The following DOCK4 variants were observed in gnomAD, a reference collection of about 807,000 sequenced individuals.
DOCK4 encodes the protein dedicator of cytokinesis protein 4.
In DOCK4, 97 loss-of-function variants were observed where a neutral mutation model predicts 268.1. That is an observed-to-expected ratio of 0.36 (90% CI 0.31 to 0.43). DOCK4 has a LOEUF of 0.43. Among genes scored for constraint, DOCK4 ranks in the 20% least tolerant of loss-of-function variants. The pLI, the probability that DOCK4 is intolerant of heterozygous loss-of-function variation, is 1.00. For missense variants in DOCK4, 2,145 were observed against 2,455.7 expected (o/e 0.87, Z 2.67); for synonymous variants, 954 against 887.2 (o/e 1.08, Z -1.34).
intron 3 of DOCK4, 60 bp from the exon 4 acceptor site, chr7:111,998,563 G>A (rs1466908400): frequency 1.4e-6 from 2 of 1,380,618 alleles, no homozygotes; most frequent in South Asian, 1.3e-5. Flanking sequence ...GGTTTCACAA[G>A]TCATTTGTAT....
intron 1 of DOCK4, among the ~76,000 whole-genome samples, chr7:112,205,621 G>C (rs980578601): frequency 7.9e-5 from 12 of 152,168 alleles, no homozygotes; most frequent in Non-Finnish European, 1.5e-4. Flanking sequence ...CAGAGGGAAG[G>C]GTTTGCGCCT....
chr7:111,746,022 C>T (rs921117268), intron 44 of DOCK4, among the ~76,000 whole-genome samples: 69 of 152,226 alleles, frequency 4.5e-4, no homozygotes, highest in African/African-American at 1.6e-3. Flanking sequence ...ACTTGGGTCC[C>T]TCCCCCAAGA....
intron 25 of DOCK4, chr7:111,840,805 ACAG>A: frequency 7.4e-7 from 1 of 1,344,798 alleles, no homozygotes; most frequent in African/African-American, 1.5e-5. Context: ...ATGTGTCTGC[ACAG>A]ACTGAAAAGG....
chr7:112,063,306 C>T (rs1417284299), intron 1 of DOCK4, among the ~76,000 whole-genome samples: 1 of 152,210 alleles, frequency 6.6e-6, no homozygotes, highest in Non-Finnish European at 1.5e-5. Flanking sequence ...CATCCTTCCA[C>T]CACATATAAT....
intron 30 of DOCK4, among the ~76,000 whole-genome samples, chr7:111,794,712 T>C (rs1489129432): frequency 6.6e-6 from 1 of 152,186 alleles, no homozygotes; most frequent in African/African-American, 2.4e-5. Context: ...CTCTAGGTGG[T>C]AGGAACTATC....
intron 1 of DOCK4, among the ~76,000 whole-genome samples, chr7:112,202,142 A>G (rs1024349981): frequency 2.6e-5 from 4 of 152,210 alleles, no homozygotes; most frequent in South Asian, 2.1e-4. Context: ...AACTGCTTCA[A>G]TGAACATGGG....
chr7:112,111,779 A>G (rs1376290554), intron 1 of DOCK4, among the ~76,000 whole-genome samples: 2 of 152,196 alleles, frequency 1.3e-5, no homozygotes, highest in African/African-American at 4.8e-5. Context: ...TGGAATTGTC[A>G]GATACTTTAA....
At chr7:112,117,850 A>T (rs1283166830) in intron 1 of DOCK4, among the ~76,000 whole-genome samples, 1 of 152,188 alleles carries the variant, frequency 6.6e-6, no homozygotes, top group Non-Finnish European at 1.5e-5. Flanking sequence ...GCTTAGGTCT[A>T]AGACCAAGCT....
intron 7 of DOCK4, among the ~76,000 whole-genome samples, chr7:111,978,464 T>A (rs1229831098): frequency 6.6e-6 from 1 of 152,176 alleles, no homozygotes; most frequent in African/African-American, 2.4e-5. Flanking sequence ...ACTCCTGGAC[T>A]CAAGTGATCC....
At chr7:111,921,564 T>A (rs1048841187) in intron 12 of DOCK4, among the ~76,000 whole-genome samples, 1 of 152,234 alleles carries the variant, frequency 6.6e-6, no homozygotes, top group Non-Finnish European at 1.5e-5. Flanking sequence ...AAAACTGTGA[T>A]AAATATATTG....
At position 111,932,658 on chromosome 7, in the gene DOCK4, T is replaced by C. The variant is rs190080891; in HGVS notation, c.1066+2882A>G. ...AGCATACATTATTTATCCCAATATA[T>C]CCAAAATGTTATCATTTCAACATGT... On this transcript the variant is annotated intron_variant, in intron 12 of 52. Coordinates refer to ENST00000428084, the MANE Select transcript of DOCK4 (RefSeq NM_001363540.2). 1.9e-3 allele frequency among the ~76,000 whole-genome samples: 287 copies of C among 152,240 alleles called. 1 individual carries two copies. The highest frequency in any genetic ancestry group is 6.7e-3 in the African/African-American group (278 of 41,556).
intron 42 of DOCK4, among the ~76,000 whole-genome samples, chr7:111,752,043 T>G (rs1168083468): frequency 6.6e-6 from 1 of 152,208 alleles, no homozygotes; most frequent in African/African-American, 2.4e-5. Flanking sequence ...GATCAAGTAA[T>G]TATTGTTAAT....
At chr7:111,798,360 G>A (rs370796105) in intron 30 of DOCK4, among the ~76,000 whole-genome samples, 1 of 152,162 alleles carries the variant, frequency 6.6e-6, no homozygotes, top group African/African-American at 2.4e-5. Context: ...AATTAAAGAA[G>A]GGAAAGTAAA....
At chr7:111,780,852 T>C (rs760826859) in intron 35 of DOCK4, among the ~76,000 whole-genome samples, 17 of 152,198 alleles carry the variant, frequency 1.1e-4, no homozygotes, top group Non-Finnish European at 1.9e-4. Flanking sequence ...AGTGATAGAT[T>C]TGCTTCTTTA....
chr7:111,926,507 A>G (rs1793686590), intron 12 of DOCK4, among the ~76,000 whole-genome samples: 1 of 148,114 alleles, frequency 6.8e-6, no homozygotes, highest in South Asian at 2.1e-4. Context: ...AGAAAAAAAG[A>G]AGGAAGAAAA....
chr7:112,040,878 G>C (rs976765820), intron 1 of DOCK4, among the ~76,000 whole-genome samples: 1 of 152,150 alleles, frequency 6.6e-6, no homozygotes, highest in African/African-American at 2.4e-5. Flanking sequence ...TTATGAACAT[G>C]CATTTAAAAT....
At chr7:111,916,706 CTGTATGCA>C (rs1484283630) in intron 12 of DOCK4, among the ~76,000 whole-genome samples, 1 of 152,134 alleles carries the variant, frequency 6.6e-6, no homozygotes, top group Non-Finnish European at 1.5e-5. Flanking sequence ...GTGAATATGT[CTGTATGCA>C]TACTCCAAAG....
chr7:111,810,951 G>A (rs986731752), intron 28 of DOCK4, among the ~76,000 whole-genome samples: 4 of 152,274 alleles, frequency 2.6e-5, no homozygotes, highest in African/African-American at 7.2e-5. Context: ...GCAGTGAGCC[G>A]AGACTGCGTC....
At chr7:111,959,084 C>G (rs1045166179) in intron 8 of DOCK4, among the ~76,000 whole-genome samples, 3 of 152,198 alleles carry the variant, frequency 2.0e-5, no homozygotes, top group Admixed American at 1.3e-4. Flanking sequence ...AGAGGGAGGG[C>G]AGAAAGCAGG....
Sources: allele counts gnomAD v4.1 joint callset (sites outside exome capture counted in the v4.1 genomes callset), GRCh38; gene constraint gnomAD v4.1.1; transcripts MANE v1.5; gene names NCBI Gene and HGNC (gene_info 2026-07-23, HGNC 2026-07-21).